SLC25A20: variants seen among roughly 807,000 people sequenced by gnomAD.
The protein encoded by SLC25A20 is mitochondrial carnitine/acylcarnitine carrier protein.
SLC25A20 carries 29 observed loss-of-function variants against 39.7 expected under a neutral mutation model. That is an observed-to-expected ratio of 0.73 (90% CI 0.54 to 1.00). The LOEUF is 1.00. Ranked by LOEUF, SLC25A20 falls within the 50% of genes least tolerant of loss-of-function variation. The pLI is 0.00. For synonymous variants in SLC25A20, 103 were observed against 142.2 expected (o/e 0.72, Z 1.96); for missense variants, 333 against 379.9 (o/e 0.88, Z 1.03).
chr3:48,878,883 TG>T, intron 4 of SLC25A20, among the ~76,000 whole-genome samples: 1 of 151,948 alleles, frequency 6.6e-6, no homozygotes. Context: ...GTTTTGGTTT[TG>T]TTTTTTTGAG....
chr3:48,898,691 T>C lies in SLC25A20; in HGVS notation c.104A>G (p.Lys35Arg). The C allele has an allele frequency of 2.5e-6, 4 of 1,601,810 alleles. No homozygotes were observed. Among genetic ancestry groups the C allele is most frequent in the Non-Finnish European group, 3.4e-6 (4 of 1,174,990 alleles). The change falls in exon 1 of 9, where the codon AAG becomes AGG. Residue 35 changes from lysine to arginine, a missense_variant and splice_region_variant. Lys to Arg is a conservative substitution (Grantham distance 26, BLOSUM62 2). Transcript: ENST00000319017. ...VFVGHPLDTV[K>R]VRLQTQPPSL... is the part of the protein sequence containing the mutation. ...AGCCTGCGACCCAGCCTCCCGCACC[T>C]TGACCGTGTCCAGAGGGTGACCGAC...
intron 3 of SLC25A20, among the ~76,000 whole-genome samples, chr3:48,880,169 C>A (rs1375176848): frequency 6.6e-6 from 1 of 152,210 alleles, no homozygotes; most frequent in Admixed American, 6.5e-5. Flanking sequence ...CTGGCCCCCA[C>A]AGAATGAACA....
chr3:48,869,776 C>T (rs1269974695), intron 4 of SLC25A20, among the ~76,000 whole-genome samples: 1 of 152,046 alleles, frequency 6.6e-6, no homozygotes, highest in Non-Finnish European at 1.5e-5. Flanking sequence ...CAGACCACTA[C>T]ACTCCAGCCA....
In SLC25A20 at chr3:48,864,068, G is replaced by A. The variant is rs531162479; in HGVS notation, c.418-1409C>T. 2.9e-3 allele frequency among the ~76,000 whole-genome samples: 433 copies of A among 151,134 alleles called. 3 individuals carry two copies. The highest frequency in any genetic ancestry group is 9.9e-3 in the African/African-American group (408 of 41,174). On this transcript the variant is annotated intron_variant, in intron 4 of 8. Coordinates refer to ENST00000319017, the MANE Select transcript of SLC25A20 (RefSeq NM_000387.6). ...CCCATTCAAAATAGCAATAAAAGCCGGGCACGGTGGCTCACGCCTGTAATC... is the reference window on the plus strand; with the variant it reads ...CCCATTCAAAATAGCAATAAAAGCCAGGCACGGTGGCTCACGCCTGTAATC...
chr3:48,881,699 A>G (rs189479226), intron 3 of SLC25A20, among the ~76,000 whole-genome samples: 20 of 152,286 alleles, frequency 1.3e-4, no homozygotes, highest in Admixed American at 1.3e-3. Context: ...GTACAGGAAC[A>G]CAGCCCATAG....
At chr3:48,885,548 G>GT (rs1234104599) in intron 2 of SLC25A20, among the ~76,000 whole-genome samples, 1 of 152,130 alleles carries the variant, frequency 6.6e-6, no homozygotes, top group Non-Finnish European at 1.5e-5. Context: ...GCTCATGCCT[G>GT]TAATTCCAGC....
In SLC25A20 at chr3:48,857,564, C is replaced by A; in HGVS notation, c.*146G>T. On this transcript the variant is annotated 3_prime_UTR_variant, in exon 9 of 9. Transcript: ENST00000319017. Reference sequence around the variant, plus strand: ...TACACGGTGCAGGATGTCATTAAGGCAACAGTCTCACCAAGTCCATGCACA... The same window carrying A: ...TACACGGTGCAGGATGTCATTAAGGAAACAGTCTCACCAAGTCCATGCACA... 2.8e-6 allele frequency: 2 copies of A among 720,580 alleles called. No individual in the cohort carries two copies. The highest frequency in any genetic ancestry group is 1.5e-5 in the South Asian group (1 of 65,046). 44.6% of individuals were successfully genotyped at this position (720,580 alleles called of 1,614,324 possible).
At position 48,857,783 on chromosome 3, in the gene SLC25A20, A is replaced by G. The variant is rs776093253; in HGVS notation, c.844-11T>C. ...GCCAAGGAAACAGGCCTAAGAAGGG[A>G]TTGGGAGGAAGAAAAAAGCCAGCAG... On this transcript the variant is annotated splice_polypyrimidine_tract_variant and intron_variant, in intron 8 of 8. Transcript: ENST00000319017. The G allele has an allele frequency of 2.4e-5, 38 of 1,613,130 alleles. No individual in the cohort carries two copies. Among genetic ancestry groups the G allele is most frequent in the Non-Finnish European group, 3.0e-5 (35 of 1,179,590 alleles).
At chr3:48,894,595 T>C (rs1233212034) in intron 1 of SLC25A20, among the ~76,000 whole-genome samples, 2 of 152,000 alleles carry the variant, frequency 1.3e-5, no homozygotes, top group Non-Finnish European at 2.9e-5. Flanking sequence ...ATTGTTGTTT[T>C]AAGCCATTAA....
chr3:48,894,220 G>A (rs1357162681), intron 1 of SLC25A20, among the ~76,000 whole-genome samples: 5 of 61,872 alleles, frequency 8.1e-5, no homozygotes, highest in Admixed American at 2.1e-4. Flanking sequence ...TCTCTCTCTC[G>A]ACAGGGTCTT....
chr3:48,878,724 C>T (rs1484940384), intron 4 of SLC25A20, among the ~76,000 whole-genome samples: 2 of 146,960 alleles, frequency 1.4e-5, no homozygotes, highest in Non-Finnish European at 3.0e-5. Flanking sequence ...CACTTGAATC[C>T]GGGAGGTGGA....
intron 1 of SLC25A20, among the ~76,000 whole-genome samples, chr3:48,895,429 G>A (rs534666593): frequency 3.9e-5 from 6 of 152,298 alleles, no homozygotes; most frequent in Non-Finnish European, 2.9e-5. Flanking sequence ...GTGAGCCACC[G>A]CGCCCAGCCC....
At position 48,879,374 on chromosome 3, in the gene SLC25A20, AT is replaced by A; in HGVS notation, c.400del (p.Ile134SerfsTer55). ...CAACCTTACCTGTAATAAGCACTTG[AT>A]CCGTTCTCCAGGAGTCATGATTCCT... The part of the protein sequence containing the change: ...TTGIMTPGER[I>X]KCLLQIQASS... On this transcript the variant is annotated frameshift_variant, in exon 4 of 9. Transcript: ENST00000319017. LOFTEE classifies it high-confidence loss of function. 1 of 1,612,738 alleles carries A rather than the reference AT, an allele frequency of 6.2e-7. No homozygotes were observed. The highest frequency in any genetic ancestry group is 8.5e-7 in the Non-Finnish European group (1 of 1,178,692).
chr3:48,872,755 C>T (rs1254674753), intron 4 of SLC25A20, among the ~76,000 whole-genome samples: 1 of 150,994 alleles, frequency 6.6e-6, no homozygotes, highest in African/African-American at 2.4e-5. Context: ...CCCAGCTACT[C>T]AGGAGGCTGA....
At chr3:48,891,378 TTTTG>T (rs2083875264) in intron 2 of SLC25A20, among the ~76,000 whole-genome samples, 1 of 152,026 alleles carries the variant, frequency 6.6e-6, no homozygotes, top group African/African-American at 2.4e-5. Context: ...ATTGGCCTTT[TTTTG>T]TTTTTCAGGC....
At chr3:48,877,632 G>A (rs1170238156) in intron 4 of SLC25A20, among the ~76,000 whole-genome samples, 1 of 151,952 alleles carries the variant, frequency 6.6e-6, no homozygotes, top group African/African-American at 2.4e-5. Flanking sequence ...AGGAGGCTGA[G>A]GCAGGGGAAT....
At chr3:48,875,004 G>T (rs1429608989) in intron 4 of SLC25A20, among the ~76,000 whole-genome samples, 1 of 146,610 alleles carries the variant, frequency 6.8e-6, no homozygotes, top group Non-Finnish European at 1.5e-5. Context: ...GGAGGTTGCA[G>T]TGAACCAAGA....
chr3:48,874,384 T>C (rs2083739562), intron 4 of SLC25A20, among the ~76,000 whole-genome samples: 2 of 151,996 alleles, frequency 1.3e-5, no homozygotes, highest in Non-Finnish European at 1.5e-5. Flanking sequence ...GAGGATCACT[T>C]GAGCCCAGGA....
chr3:48,877,454 G>A (rs1291477150), intron 4 of SLC25A20, among the ~76,000 whole-genome samples: 1 of 151,296 alleles, frequency 6.6e-6, no homozygotes, highest in Non-Finnish European at 1.5e-5. Context: ...AAGAGGGTTG[G>A]GCACGGTGGC....
Sources: gnomAD v4.1 joint callset for allele counts (sites outside exome capture counted in the v4.1 genomes callset) on GRCh38, gnomAD v4.1.1 for gene constraint, MANE v1.5 for transcripts, NCBI Gene and HGNC (gene_info 2026-07-23, HGNC 2026-07-21) for gene names.